Variants in PLEKHA6 observed in about 807,000 individuals in gnomAD.
PLEKHA6 encodes the protein pleckstrin homology domain-containing family A member 6.
In PLEKHA6, 60 loss-of-function variants were observed where a neutral mutation model predicts 116.7. The ratio of observed to expected loss-of-function variants is 0.51; its 90% confidence interval spans 0.42 to 0.64. The LOEUF (loss-of-function observed/expected upper bound fraction) is 0.64, where lower values mean the gene tolerates loss of function less well. PLEKHA6 is among the 30% of genes least tolerant of loss of function. The pLI is 0.00. For missense variants in PLEKHA6, 1,338 were observed against 1,422.7 expected (o/e 0.94, Z 0.96); for synonymous variants, 489 against 556.1 (o/e 0.88, Z 1.70).
At chr1:204,231,774 T>G (rs1313907909) in intron 17 of PLEKHA6, among the ~76,000 whole-genome samples, 2 of 152,110 alleles carry the variant, frequency 1.3e-5, no homozygotes, top group African/African-American at 4.8e-5. Context: ...AGGTCTTGCT[T>G]TCTTGCTCAA....
At chr1:204,260,443 C>G (rs1282984873) in intron 7 of PLEKHA6, among the ~76,000 whole-genome samples, 1 of 152,200 alleles carries the variant, frequency 6.6e-6, no homozygotes, top group Non-Finnish European at 1.5e-5. Flanking sequence ...ACTTTCTTCC[C>G]CTGTGTTCCT....
intron 1 of PLEKHA6, among the ~76,000 whole-genome samples, chr1:204,292,771 C>G (rs1669902746): frequency 6.6e-6 from 1 of 152,206 alleles, no homozygotes; most frequent in Non-Finnish European, 1.5e-5. Context: ...CACTGCAAGA[C>G]AGGGAAGACT....
At chr1:204,350,597 G>A (rs1172197406) in intron 1 of PLEKHA6, among the ~76,000 whole-genome samples, 2 of 152,170 alleles carry the variant, frequency 1.3e-5, no homozygotes, top group African/African-American at 4.8e-5. Context: ...CACCGCTGAC[G>A]GTGCCAGGCA....
chr1:204,319,261 A>C (rs1671971745), intron 1 of PLEKHA6, among the ~76,000 whole-genome samples: 1 of 152,218 alleles, frequency 6.6e-6, no homozygotes, highest in Non-Finnish European at 1.5e-5. Context: ...GAGGAGGAGC[A>C]GGCTGTCAGT....
At chr1:204,279,635 G>A (rs537360859) in intron 1 of PLEKHA6, among the ~76,000 whole-genome samples, 29 of 152,272 alleles carry the variant, frequency 1.9e-4, no homozygotes, top group African/African-American at 7.0e-4. Context: ...GAGATTGTGC[G>A]GTGGAGGTAG....
chr1:204,278,549 A>T (rs775156934), intron 1 of PLEKHA6, among the ~76,000 whole-genome samples: 1 of 152,266 alleles, frequency 6.6e-6, no homozygotes, highest in Non-Finnish European at 1.5e-5. Context: ...TGATTGGGGA[A>T]TAATGTGATC....
In PLEKHA6 at chr1:204,257,893, T is replaced by G; in HGVS notation, c.1008-24A>C. On this transcript the variant is annotated intron_variant, in intron 8 of 22. Transcript: ENST00000272203. The surrounding 1 kb of genome is among the most constrained non-coding windows in gnomAD (Gnocchi z 6.5). ...GACTGAGAGAGAGGGGACATTGTAA[T>G]GAAGGCAGACAACACGGGCACCCCT... is the stretch of plus-strand genomic sequence containing the variant. 1 of 1,581,786 alleles carries G rather than the reference T, an allele frequency of 6.3e-7. No individual in the cohort carries two copies.
chr1:204,244,276 C>T (rs12033871), intron 15 of PLEKHA6, among the ~76,000 whole-genome samples: 26,876 of 151,368 alleles, frequency 0.18, 2,580 homozygotes, highest in East Asian at 0.32. Flanking sequence ...GGACTACAGG[C>T]GCGCGCCACC....
intron 1 of PLEKHA6, chr1:204,299,752 G>A: frequency 5.6e-6 from 2 of 360,322 alleles, no homozygotes; most frequent in Non-Finnish European, 7.7e-6. Context: ...CCAATTCCAT[G>A]AGCTAATGTC....
chr1:204,245,906 GGGCT>G (rs1663597256), intron 13 of PLEKHA6, among the ~76,000 whole-genome samples, 180 bp from the exon 14 acceptor site: 1 of 151,912 alleles, frequency 6.6e-6, no homozygotes, highest in Non-Finnish European at 1.5e-5. Context: ...TCTTTCCCAT[GGGCT>G]GCCTCTGCTC....
intron 9 of PLEKHA6, among the ~76,000 whole-genome samples, chr1:204,256,064 C>T (rs1381854978): frequency 6.6e-6 from 1 of 152,190 alleles, no homozygotes; most frequent in Non-Finnish European, 1.5e-5. Flanking sequence ...AGCTTATATG[C>T]TGTGGACACT....
chr1:204,300,997 G>C (rs1165423072), intron 1 of PLEKHA6, among the ~76,000 whole-genome samples: 2 of 152,176 alleles, frequency 1.3e-5, no homozygotes, highest in African/African-American at 2.4e-5. Flanking sequence ...GAACTGGCAA[G>C]AGACTCTTTA....
At chr1:204,253,836 A>C (rs1419189094) in intron 9 of PLEKHA6, among the ~76,000 whole-genome samples, 1 of 31,156 alleles carries the variant, frequency 3.2e-5, no homozygotes, top group African/African-American at 1.9e-4. Flanking sequence ...CTTGTCTCAA[A>C]AAAAAAAAAA....
chr1:204,339,563 G>A (rs1001176345), intron 1 of PLEKHA6, among the ~76,000 whole-genome samples: 6 of 152,164 alleles, frequency 3.9e-5, no homozygotes, highest in South Asian at 2.1e-4. Context: ...AGCTCCCCAA[G>A]CCCCTCCATT....
intron 3 of PLEKHA6, among the ~76,000 whole-genome samples, chr1:204,270,000 G>C (rs1283428520): frequency 1.3e-5 from 2 of 152,070 alleles, no homozygotes; most frequent in African/African-American, 4.8e-5. Flanking sequence ...TAGGCTCCTG[G>C]GAAGAGTCTC....
In PLEKHA6 at chr1:204,346,871, G is replaced by C. The variant is rs1673075513; in HGVS notation, c.-95+12823C>G. ...GCTTCTCTGGGTGGAGCAGGCTGGC[G>C]CTTTAGTTGAATCCAGGTAACTTTC... On this transcript the variant is annotated intron_variant, in intron 1 of 22. Transcript: ENST00000272203. The C allele has an allele frequency of 2.2e-6, 3 of 1,342,400 alleles. No individual in the cohort carries two copies. The African/African-American group carries it at 4.3e-5, about 19-fold the overall frequency. The allele number at this position is 1,342,400 out of a possible 1,614,324, so 83.2% of individuals were successfully genotyped here. A position where few individuals can be genotyped will look rare whatever the true frequency, so the allele number is the denominator to read the frequency against.
chr1:204,311,136 T>C (rs1671643202), intron 1 of PLEKHA6, among the ~76,000 whole-genome samples: 1 of 152,240 alleles, frequency 6.6e-6, no homozygotes, highest in Non-Finnish European at 1.5e-5. Flanking sequence ...ACAGGCCGCT[T>C]GAACTCCTGC....
chr1:204,243,113 C>T, intron 15 of PLEKHA6: 1 of 399,336 alleles, frequency 2.5e-6, no homozygotes, highest in Non-Finnish European at 4.4e-6. Flanking sequence ...GTGATGGGTA[C>T]CTGCCCCCTG....
upstream of PLEKHA6, among the ~76,000 whole-genome samples, chr1:204,363,037 G>C (rs1673590841): frequency 2.0e-5 from 3 of 152,216 alleles, no homozygotes. Context: ...GCCTTTCTAA[G>C]CCTAGAGCTA....
Sources: allele counts gnomAD v4.1 joint callset (sites outside exome capture counted in the v4.1 genomes callset), GRCh38; gene constraint gnomAD v4.1.1; non-coding constraint Gnocchi (gnomAD v3.1); transcripts MANE v1.5; gene names NCBI Gene and HGNC (gene_info 2026-07-23, HGNC 2026-07-21).